The following GALNT13 variants were observed in gnomAD, a reference collection of about 807,000 sequenced individuals.
GALNT13 encodes the protein polypeptide N-acetylgalactosaminyltransferase 13, also known as UDP-GalNAc:polypeptide N-acetylgalactosaminyltransferase 13.
Under a neutral mutation model 64.2 loss-of-function variants are expected in GALNT13, and 28 were observed. The observed-to-expected ratio is 0.44, with a 90% CI of 0.32 to 0.60. GALNT13 has a LOEUF of 0.60. Among genes scored for constraint, GALNT13 ranks in the 20% least tolerant of loss-of-function variants. The probability of loss-of-function intolerance (pLI) is 0.05; values close to 1 mark genes in which losing one functional copy is unlikely to be tolerated. For synonymous variants in GALNT13, 214 were observed against 224.6 expected (o/e 0.95, Z 0.42); for missense variants, 577 against 669.8 (o/e 0.86, Z 1.53).
chr2:154,121,331 A>C (rs1219098368), intron 3 of GALNT13, among the ~76,000 whole-genome samples: 1 of 152,108 alleles, frequency 6.6e-6, no homozygotes, highest in Non-Finnish European at 1.5e-5. Context: ...CTATTTATTT[A>C]GTCTTTTGTA....
the GALNT13 span, among the ~76,000 whole-genome samples, chr2:153,805,509 A>T: frequency 6.6e-6 from 1 of 152,074 alleles, no homozygotes; most frequent in African/African-American, 2.4e-5. Context: ...AGGCAATGAA[A>T]ATGACTAGAG....
chr2:154,069,465 T>G (rs1476820130), intron 3 of GALNT13, among the ~76,000 whole-genome samples: 6 of 151,996 alleles, frequency 3.9e-5, no homozygotes, highest in African/African-American at 1.4e-4. Context: ...TTTGAAAATA[T>G]TAAAATACTG....
chr2:154,200,708 C>G (rs762661528), intron 4 of GALNT13, among the ~76,000 whole-genome samples: 2 of 152,244 alleles, frequency 1.3e-5, no homozygotes, highest in Non-Finnish European at 2.9e-5. Context: ...ATCCCATTCA[C>G]AAGGGAGGAG....
At chr2:153,120,284 T>C in the GALNT13 span, among the ~76,000 whole-genome samples, 1 of 152,210 alleles carries the variant, frequency 6.6e-6, no homozygotes, top group East Asian at 1.9e-4. Context: ...TGGTAGATTC[T>C]TTTCAGTATG....
chr2:153,234,134 A>G, the GALNT13 span, among the ~76,000 whole-genome samples: 115 of 152,294 alleles, frequency 7.6e-4, no homozygotes, highest in African/African-American at 2.6e-3. Context: ...CATTGATTAA[A>G]TTGCCTTCTC....
intron 3 of GALNT13, among the ~76,000 whole-genome samples, chr2:154,083,265 G>A (rs778755005): frequency 6.6e-5 from 10 of 151,776 alleles, no homozygotes; most frequent in Non-Finnish European, 1.2e-4. Context: ...TATTCCACTC[G>A]TCTATATATC....
At chr2:153,744,442 C>T in the GALNT13 span, among the ~76,000 whole-genome samples, 1 of 152,044 alleles carries the variant, frequency 6.6e-6, no homozygotes, top group African/African-American at 2.4e-5. Context: ...TGTTCAGCAC[C>T]TTTTCATATG....
At chr2:153,960,300 G>T (rs1432236136) in intron 3 of GALNT13, among the ~76,000 whole-genome samples, 2 of 152,164 alleles carry the variant, frequency 1.3e-5, no homozygotes, top group Non-Finnish European at 2.9e-5. Context: ...GCCCCATGTT[G>T]GGTGCCAAGC....
chr2:153,553,316 T>C, the GALNT13 span, among the ~76,000 whole-genome samples: 1 of 151,778 alleles, frequency 6.6e-6, no homozygotes, highest in African/African-American at 2.4e-5. Flanking sequence ...CTGGGCAACA[T>C]GGTGAAACTC....
At chr2:153,606,414 C>T in the GALNT13 span, among the ~76,000 whole-genome samples, 1,692 of 152,172 alleles carry the variant, frequency 0.011, 27 homozygotes, top group African/African-American at 0.039. Context: ...GGACCACAGG[C>T]TGCATGTGGC....
At chr2:153,219,325 G>T in the GALNT13 span, among the ~76,000 whole-genome samples, 64 of 152,258 alleles carry the variant, frequency 4.2e-4, no homozygotes, top group East Asian at 5.8e-4. Flanking sequence ...AATGTTCTCT[G>T]GTTCATGGAC....
chr2:153,496,103 A>AT, the GALNT13 span, among the ~76,000 whole-genome samples: 1 of 152,206 alleles, frequency 6.6e-6, no homozygotes, highest in African/African-American at 2.4e-5. Flanking sequence ...GAAGGAAGAG[A>AT]TGCAGCATTG....
the GALNT13 span, among the ~76,000 whole-genome samples, chr2:153,847,679 G>A: frequency 1.3e-5 from 2 of 152,062 alleles, no homozygotes; most frequent in Non-Finnish European, 2.9e-5. Flanking sequence ...TGAGTTAAGT[G>A]GTAATAAAAA....
intron 9 of GALNT13, among the ~76,000 whole-genome samples, chr2:154,338,174 A>G (rs1301115847): frequency 6.6e-6 from 1 of 152,128 alleles, no homozygotes; most frequent in Non-Finnish European, 1.5e-5. Context: ...TTAACAGCAC[A>G]CTATTCCATT....
chr2:153,196,438 C>T, the GALNT13 span, among the ~76,000 whole-genome samples: 1 of 152,112 alleles, frequency 6.6e-6, no homozygotes, highest in Non-Finnish European at 1.5e-5. Flanking sequence ...CAGGCTTGGC[C>T]CCATTCCTAC....
upstream of GALNT13, among the ~76,000 whole-genome samples, chr2:153,867,357 T>C (rs1413524219): frequency 2.6e-5 from 4 of 151,622 alleles, no homozygotes; most frequent in Non-Finnish European, 4.4e-5. Flanking sequence ...TAGTGATCGA[T>C]ATGTTATGGC....
chr2:154,177,390 G>T (rs1326438854), intron 4 of GALNT13, among the ~76,000 whole-genome samples: 2 of 152,082 alleles, frequency 1.3e-5, no homozygotes, highest in Non-Finnish European at 2.9e-5. Context: ...AAAAGCCATG[G>T]TTGCCAGGAG....
At chr2:153,960,370 C>T (rs938407866) in intron 3 of GALNT13, among the ~76,000 whole-genome samples, 1 of 152,116 alleles carries the variant, frequency 6.6e-6, no homozygotes, top group Non-Finnish European at 1.5e-5. Context: ...TTGGCTTTGC[C>T]CAGGAAACAA....
intron 9 of GALNT13, among the ~76,000 whole-genome samples, chr2:154,338,917 T>C (rs182117041): frequency 6.6e-6 from 1 of 152,202 alleles, no homozygotes; most frequent in African/African-American, 2.4e-5. Flanking sequence ...CCTCAAATTA[T>C]CAGAACATAG....
Sources: gnomAD v4.1 joint callset for allele counts (sites outside exome capture counted in the v4.1 genomes callset) on GRCh38, gnomAD v4.1.1 for gene constraint, MANE v1.5 for transcripts, NCBI Gene and HGNC (gene_info 2026-07-23, HGNC 2026-07-21) for gene names.